The following PDE8A variants were observed in gnomAD, a reference collection of about 807,000 sequenced individuals.
PDE8A encodes the protein phosphodiesterase 8A.
Under a neutral mutation model 105.0 loss-of-function variants are expected in PDE8A, and 59 were observed. The ratio of observed to expected loss-of-function variants is 0.56; its 90% confidence interval spans 0.46 to 0.70. PDE8A has a LOEUF of 0.70. Ranked by LOEUF, PDE8A falls within the 30% of genes least tolerant of loss-of-function variation. The pLI is 0.00. For missense variants in PDE8A, 1,014 were observed against 1,045.9 expected (o/e 0.97, Z 0.42); for synonymous variants, 355 against 371.9 (o/e 0.95, Z 0.52).
intron 5 of PDE8A, among the ~76,000 whole-genome samples, chr15:85,083,120 A>G (rs1476155536): frequency 1.3e-5 from 2 of 152,232 alleles, no homozygotes; most frequent in Non-Finnish European, 2.9e-5. Flanking sequence ...AAATGCAAGT[A>G]TATTTTCGCT....
intron 1 of PDE8A, among the ~76,000 whole-genome samples, chr15:85,028,340 A>G (rs2080553234): frequency 6.6e-6 from 1 of 152,038 alleles, no homozygotes; most frequent in Non-Finnish European, 1.5e-5. Context: ...TAAGCCTCAC[A>G]AGTAGCTGGG....
Sources: allele counts gnomAD v4.1 joint callset (sites outside exome capture counted in the v4.1 genomes callset), GRCh38; gene constraint gnomAD v4.1.1; transcripts MANE v1.5; gene names NCBI Gene and HGNC (gene_info 2026-07-23, HGNC 2026-07-21).